Variants in CAMK4 observed in about 807,000 individuals in gnomAD.
CAMK4 encodes calcium/calmodulin-dependent protein kinase type IV.
CAMK4 carries 22 observed loss-of-function variants against 44.9 expected under a neutral mutation model. The ratio of observed to expected loss-of-function variants is 0.49; its 90% CI spans 0.35 to 0.70. The LOEUF (loss-of-function observed/expected upper bound fraction) is 0.70, where lower values mean the gene tolerates loss of function less well. CAMK4 is among the 30% of genes least tolerant of loss of function. CAMK4 has a pLI of 0.01. For missense variants in CAMK4, 498 were observed against 586.8 expected (o/e 0.85, Z 1.56); for synonymous variants, 218 against 215.4 (o/e 1.01, Z -0.11).
chr5:111,453,460 GGC>G (rs1476623816), intron 7 of CAMK4, among the ~76,000 whole-genome samples: 2 of 152,124 alleles, frequency 1.3e-5, no homozygotes, highest in African/African-American at 2.4e-5. Context: ...TCATCAGTCT[GGC>G]ATGTATCTTT....
chr5:111,476,805 C>G (rs1302949043), intron 8 of CAMK4, among the ~76,000 whole-genome samples: 1 of 152,200 alleles, frequency 6.6e-6, no homozygotes, highest in Non-Finnish European at 1.5e-5. Context: ...GATTCAAACT[C>G]TCTCCTTCAG....
At chr5:111,455,097 A>G (rs531656337) in intron 7 of CAMK4, among the ~76,000 whole-genome samples, 17 of 152,224 alleles carry the variant, frequency 1.1e-4, no homozygotes, top group Non-Finnish European at 1.5e-4. Context: ...GCCTCTAAGC[A>G]TAACAGTGTT....
intron 9 of CAMK4, among the ~76,000 whole-genome samples, chr5:111,479,573 A>G (rs935749219): frequency 6.6e-6 from 1 of 152,202 alleles, no homozygotes; most frequent in African/African-American, 2.4e-5. Context: ...AAAGATGAGA[A>G]TGCTAAAGAC....
At chr5:111,336,377 AAT>A (rs1749403061) in intron 1 of CAMK4, among the ~76,000 whole-genome samples, 1 of 151,190 alleles carries the variant, frequency 6.6e-6, no homozygotes, top group Non-Finnish European at 1.5e-5. Flanking sequence ...TTTATGTCAA[AAT>A]AGTTTTTATT....
intron 5 of CAMK4, among the ~76,000 whole-genome samples, chr5:111,404,456 T>G (rs1752342671): frequency 6.6e-6 from 1 of 152,210 alleles, no homozygotes; most frequent in African/African-American, 2.4e-5. Context: ...GAGCTGCAGT[T>G]GTTTGAACAT....
At chr5:111,424,476 G>A (rs1334834772) in intron 5 of CAMK4, among the ~76,000 whole-genome samples, 28 of 109,438 alleles carry the variant, frequency 2.6e-4, no homozygotes, top group Admixed American at 5.8e-4. Flanking sequence ...ACAGAGTCTC[G>A]CTCTGTCGCC....
At chr5:111,377,622 C>A (rs1183807469) in intron 4 of CAMK4, among the ~76,000 whole-genome samples, 1 of 152,068 alleles carries the variant, frequency 6.6e-6, no homozygotes, top group Admixed American at 6.6e-5. Flanking sequence ...TCCATCTTCC[C>A]CACCCTCTTA....
At chr5:111,343,866 A>G (rs559210226) in intron 1 of CAMK4, among the ~76,000 whole-genome samples, 158 bp from the exon 2 acceptor site, 1 of 151,982 alleles carries the variant, frequency 6.6e-6, no homozygotes, top group African/African-American at 2.4e-5. Flanking sequence ...TGATAAAAAA[A>G]AAAATACTCT....
intron 1 of CAMK4, among the ~76,000 whole-genome samples, chr5:111,325,584 G>A (rs1625138): frequency 0.42 from 63,348 of 151,930 alleles, 13,741 homozygotes; most frequent in South Asian, 0.55. Flanking sequence ...ACTGGCATGC[G>A]ATGGTATCTC....
chr5:111,466,972 G>T (rs1754858243), intron 7 of CAMK4, among the ~76,000 whole-genome samples: 1 of 152,050 alleles, frequency 6.6e-6, no homozygotes, highest in African/African-American at 2.4e-5. Flanking sequence ...AAACAACATG[G>T]TACTGGTATA....
chr5:111,243,322 A>G (rs1220313685), intron 1 of CAMK4, among the ~76,000 whole-genome samples: 1 of 152,214 alleles, frequency 6.6e-6, no homozygotes, highest in Non-Finnish European at 1.5e-5. Flanking sequence ...GTGATCAGGC[A>G]TCACCTGGGG....
chr5:111,324,103 G>C lies in CAMK4; in HGVS notation c.162-19921G>C, dbSNP rs532851062. The stretch of plus-strand genomic sequence containing the variant: ...ATAAAATATCCCTTAAAGACCAAGA[G>C]AATTGATAAAGTAGAAGATTAAAAA... On this transcript the variant is annotated intron_variant, in intron 1 of 10. Transcript: ENST00000282356. 5.3e-5 allele frequency among the ~76,000 whole-genome samples: 8 copies of C among 151,908 alleles called. No individual in the cohort carries two copies. The East Asian group carries it at 1.5e-3, about 29-fold the overall frequency.
Position 111,486,734 on chromosome 5 carries a change from CA to C in CAMK4, c.*2271del, listed in dbSNP as rs1357214286. ...CCTGAGAACTATAGAAACAACGTTGCAAATACCATGCCCAATGTGTATTTTA... is the reference window on the plus strand; with the variant it reads ...CCTGAGAACTATAGAAACAACGTTGCAATACCATGCCCAATGTGTATTTTA... On this transcript the variant is annotated 3_prime_UTR_variant, in exon 11 of 11. Coordinates refer to ENST00000282356, the MANE Select transcript of CAMK4 (RefSeq NM_001744.6). 6.6e-6 allele frequency: 1 copy of C among 152,110 alleles called. No individual in the cohort carries two copies. The highest frequency in any genetic ancestry group is 1.9e-4 in the East Asian group (1 of 5,202). 9.4% of individuals were successfully genotyped at this position (152,110 alleles called of 1,614,324 possible).
rs1237736768 is a variant in CAMK4, at chr5:111,487,711, CAAT to C, written c.*3247_*3249del. 3 of 152,106 alleles carry C rather than the reference CAAT, an allele frequency of 2.0e-5. No homozygotes were observed. The highest frequency in any genetic ancestry group is 7.2e-5 in the African/African-American group (3 of 41,416). The allele number at this position is 152,106 out of a possible 1,614,324, so 9.4% of individuals were successfully genotyped here. A position where few individuals can be genotyped will look rare whatever the true frequency, so the allele number is the denominator to read the frequency against. ...TTAGGCCTTTGGGACATCAAGTGCT[CAAT>C]AGTCACATGTGGCTAGTGGCTACCA... On this transcript the variant is annotated 3_prime_UTR_variant, in exon 11 of 11. Transcript: ENST00000282356.
intron 5 of CAMK4, among the ~76,000 whole-genome samples, chr5:111,446,274 A>G (rs1158485856): frequency 6.6e-6 from 1 of 152,214 alleles, no homozygotes; most frequent in Non-Finnish European, 1.5e-5. Context: ...AATAATTATG[A>G]AGTCTTTGCT....
chr5:111,400,197 GAAGC>G (rs1209738520), intron 5 of CAMK4, among the ~76,000 whole-genome samples: 1 of 151,808 alleles, frequency 6.6e-6, no homozygotes, highest in African/African-American at 2.4e-5. Flanking sequence ...TTCCTTAAAA[GAAGC>G]TTTATAAAAA....
intron 1 of CAMK4, among the ~76,000 whole-genome samples, chr5:111,330,481 GTTGTTGTTGTTGTTTGGTTTT>G (rs1238318630): frequency 1.6e-5 from 2 of 121,274 alleles, no homozygotes; most frequent in Non-Finnish European, 1.7e-5. Flanking sequence ...TTCTTTTTTT[GTTGTTGTTGTTGTTTGGTTTT>G]TTGTTGTTGT....
intron 2 of CAMK4, among the ~76,000 whole-genome samples, chr5:111,373,436 T>C: frequency 7.3e-6 from 1 of 137,520 alleles, no homozygotes; most frequent in South Asian, 2.4e-4. Flanking sequence ...AATATATTTA[T>C]ATGTTGCAAC....
intron 1 of CAMK4, among the ~76,000 whole-genome samples, chr5:111,286,104 G>C (rs770343857): frequency 6.6e-6 from 1 of 152,282 alleles, no homozygotes; most frequent in Non-Finnish European, 1.5e-5. Flanking sequence ...GAAAAATGGA[G>C]GTATGTAAAA....
Sources: allele counts gnomAD v4.1 joint callset (sites outside exome capture counted in the v4.1 genomes callset), GRCh38; gene constraint gnomAD v4.1.1; transcripts MANE v1.5; gene names NCBI Gene and HGNC (gene_info 2026-07-23, HGNC 2026-07-21).